The following NRXN1 variants were observed in gnomAD, a reference collection of about 807,000 sequenced individuals.
NRXN1 encodes the protein neurexin 1, also known as neurexin-1.
A neutral mutation model predicts 150.9 loss-of-function variants in NRXN1; 39 were observed. The observed-to-expected ratio is 0.26, with a 90% confidence interval of 0.20 to 0.34. The LOEUF is 0.34. Ranked by LOEUF, NRXN1 falls within the 10% of genes least tolerant of loss-of-function variation. NRXN1 has a pLI of 1.00. For missense variants in NRXN1, 1,815 were observed against 1,949.9 expected, an observed-to-expected ratio of 0.93 and a Z score of 1.30; for synonymous variants, 924 against 757.0, an observed-to-expected ratio of 1.22 and a Z score of -3.62.
chr2:50,552,177 A>G (rs1290333734), intron 9 of NRXN1, among the ~76,000 whole-genome samples: 1 of 152,192 alleles, frequency 6.6e-6, no homozygotes, highest in Non-Finnish European at 1.5e-5. Flanking sequence ...TAAGGATTTT[A>G]TGTTTGGATC....
intron 17 of NRXN1, among the ~76,000 whole-genome samples, chr2:50,415,749 A>T (rs1416849256): frequency 2.0e-5 from 3 of 152,124 alleles, no homozygotes; most frequent in African/African-American, 7.2e-5. Context: ...CCAATACCTT[A>T]TCACTCGTAG....
intron 5 of NRXN1, among the ~76,000 whole-genome samples, chr2:50,764,503 C>T (rs186551766): frequency 6.6e-6 from 1 of 152,068 alleles, no homozygotes; most frequent in Non-Finnish European, 1.5e-5. Context: ...TTAATATGTA[C>T]CAGATATTCT....
intron 16 of NRXN1, among the ~76,000 whole-genome samples, chr2:50,470,169 T>C (rs1328892615): frequency 6.6e-6 from 1 of 151,748 alleles, no homozygotes; most frequent in Non-Finnish European, 1.5e-5. Flanking sequence ...GGGATTGTAA[T>C]ACCTTTCTTT....
intron 17 of NRXN1, among the ~76,000 whole-genome samples, chr2:50,355,172 A>G (rs904465389): frequency 2.6e-5 from 4 of 151,422 alleles, no homozygotes; most frequent in Middle Eastern, 3.2e-3. Context: ...TAATCATGCG[A>G]TTCAAATTGA....
intron 17 of NRXN1, among the ~76,000 whole-genome samples, chr2:50,334,931 C>T (rs2077082758): frequency 6.6e-6 from 1 of 152,148 alleles, no homozygotes; most frequent in Non-Finnish European, 1.5e-5. Context: ...TACTCTGATC[C>T]TAAGGACTCC....
At chr2:50,433,250 AT>A (rs2085130545) in intron 17 of NRXN1, among the ~76,000 whole-genome samples, 1 of 152,234 alleles carries the variant, frequency 6.6e-6, no homozygotes, top group African/African-American at 2.4e-5. Context: ...AGTAATAGAA[AT>A]TCATTACTGT....
chr2:50,415,597 G>A (rs1352117176), intron 17 of NRXN1, among the ~76,000 whole-genome samples: 2 of 152,092 alleles, frequency 1.3e-5, no homozygotes, highest in African/African-American at 4.8e-5. Flanking sequence ...TGGTCTCACT[G>A]GAGGCATGTG....
At chr2:50,248,890 TA>T (rs1401621997) in intron 17 of NRXN1, among the ~76,000 whole-genome samples, 2 of 152,132 alleles carry the variant, frequency 1.3e-5, no homozygotes, top group Non-Finnish European at 2.9e-5. Flanking sequence ...CTCACACCTG[TA>T]ATCCCAGCAC....
intron 5 of NRXN1, among the ~76,000 whole-genome samples, chr2:50,885,386 CA>C (rs77951147): frequency 0.096 from 13,720 of 143,128 alleles, 765 homozygotes; most frequent in East Asian, 0.18. Flanking sequence ...CATAAACTAC[CA>C]AAAAAAAAAA....
intron 5 of NRXN1, among the ~76,000 whole-genome samples, chr2:50,884,304 T>C (rs1679899229): frequency 6.6e-6 from 1 of 151,810 alleles, no homozygotes; most frequent in Non-Finnish European, 1.5e-5. Context: ...ATTAATTGTA[T>C]TCTACTTATC....
At chr2:50,416,583 C>T (rs2083555775) in intron 17 of NRXN1, among the ~76,000 whole-genome samples, 2 of 152,060 alleles carry the variant, frequency 1.3e-5, no homozygotes, top group South Asian at 4.1e-4. Flanking sequence ...ATGCCCAAGA[C>T]TGGGTAATTT....
At chr2:51,001,469 C>A (rs1700070926) in intron 2 of NRXN1, among the ~76,000 whole-genome samples, 1 of 151,830 alleles carries the variant, frequency 6.6e-6, no homozygotes, top group Non-Finnish European at 1.5e-5. Flanking sequence ...AAAAAAAGAT[C>A]CACACATTTA....
intron 17 of NRXN1, among the ~76,000 whole-genome samples, chr2:50,323,244 A>G (rs1239058715): frequency 6.6e-6 from 1 of 152,176 alleles, no homozygotes; most frequent in Non-Finnish European, 1.5e-5. Flanking sequence ...TTAAACTACA[A>G]ATTGCAGAGC....
intron 19 of NRXN1, among the ~76,000 whole-genome samples, chr2:50,082,161 T>C (rs1307286557): frequency 6.6e-6 from 1 of 152,206 alleles, no homozygotes; most frequent in Non-Finnish European, 1.5e-5. Context: ...ATTTTTTATA[T>C]CTGACATGAT....
intron 5 of NRXN1, among the ~76,000 whole-genome samples, chr2:50,830,182 C>T (rs1671220145): frequency 6.6e-6 from 1 of 152,084 alleles, no homozygotes; most frequent in Non-Finnish European, 1.5e-5. Flanking sequence ...ATAGATTCAG[C>T]TACCAATACA....
intron 2 of NRXN1, among the ~76,000 whole-genome samples, chr2:50,970,993 TC>T (rs1366881132): frequency 6.6e-6 from 1 of 152,204 alleles, no homozygotes; most frequent in African/African-American, 2.4e-5. Flanking sequence ...AGGACTTTTT[TC>T]TTTATCCTGC....
At chr2:50,946,410 T>C (rs1357004019) in intron 2 of NRXN1, among the ~76,000 whole-genome samples, 1 of 152,164 alleles carries the variant, frequency 6.6e-6, no homozygotes. Flanking sequence ...ATTTCCCAAA[T>C]GTGTATCTAT....
intron 12 of NRXN1, among the ~76,000 whole-genome samples, chr2:50,524,516 T>TAAATAAATA (rs1558879357): frequency 1.9e-5 from 2 of 106,544 alleles, no homozygotes; most frequent in Non-Finnish European, 4.5e-5. Flanking sequence ...AATAAATAAA[T>TAAATAAATA]AAATAAAATA....
intron 21 of NRXN1, among the ~76,000 whole-genome samples, chr2:50,024,734 C>T (rs1161454802): frequency 6.6e-6 from 1 of 152,044 alleles, no homozygotes; most frequent in Non-Finnish European, 1.5e-5. Context: ...CCTGCCTCAG[C>T]CTCCTGAGTA....
Sources: gnomAD v4.1 joint callset for allele counts (sites outside exome capture counted in the v4.1 genomes callset) on GRCh38, gnomAD v4.1.1 for gene constraint, MANE v1.5 for transcripts, NCBI Gene and HGNC (gene_info 2026-07-23, HGNC 2026-07-21) for gene names.